The following KCNJ12 variants were observed in gnomAD, a reference collection of about 807,000 sequenced individuals.
KCNJ12 encodes the protein potassium inwardly rectifying channel subfamily J member 12, also known as ATP-sensitive inward rectifier potassium channel 12.
KCNJ12 carries 2 observed loss-of-function variants against 22.3 expected under a neutral mutation model. The observed-to-expected ratio is 0.09, with a 90% confidence interval of 0.04 to 0.28. The LOEUF (loss-of-function observed/expected upper bound fraction) is 0.28. Ranked by LOEUF, KCNJ12 falls within the 10% of genes least tolerant of loss-of-function variation. KCNJ12 has a pLI of 1.00. For synonymous variants in KCNJ12, 117 were observed against 261.4 expected (o/e 0.45, Z 5.33); for missense variants, 155 against 633.3 (o/e 0.24, Z 8.11).
intron 2 of KCNJ12, among the ~76,000 whole-genome samples, chr17:21,412,751 G>A (rs1714886): frequency 3.2e-3 from 477 of 149,834 alleles, no homozygotes; most frequent in African/African-American, 0.01. Context: ...GGTGTTGGGG[G>A]AGGACGGCAG....
intron 1 of KCNJ12, among the ~76,000 whole-genome samples, chr17:21,390,570 G>T (rs547827916): frequency 4.6e-5 from 7 of 152,356 alleles, no homozygotes; most frequent in African/African-American, 1.4e-4. Flanking sequence ...GGGATGGGGA[G>T]GGGGAGCAAT....
At chr17:21,384,314 A>G (rs557846570) in intron 1 of KCNJ12, among the ~76,000 whole-genome samples, 2 of 152,280 alleles carry the variant, frequency 1.3e-5, no homozygotes, top group African/African-American at 4.8e-5. Context: ...GCACAGAGCC[A>G]CCGAAGTCCG....
intron 1 of KCNJ12, among the ~76,000 whole-genome samples, chr17:21,395,007 G>A (rs1905305040): frequency 2.6e-5 from 4 of 152,186 alleles, no homozygotes; most frequent in Admixed American, 2.6e-4. Flanking sequence ...GCACAGAAGT[G>A]TTGATGATGC....
chr17:21,383,388 G>A (rs980027742), intron 1 of KCNJ12, among the ~76,000 whole-genome samples: 8 of 152,180 alleles, frequency 5.3e-5, no homozygotes, highest in African/African-American at 7.2e-5. Context: ...TCCATTCAGG[G>A]CTGGGGGGCG....
chr17:21,397,846 AG>A (rs1905423566), intron 1 of KCNJ12, among the ~76,000 whole-genome samples: 1 of 152,218 alleles, frequency 6.6e-6, no homozygotes, highest in African/African-American at 2.4e-5. Flanking sequence ...AGCGCACAGC[AG>A]GGATTAGCAA....
intron 1 of KCNJ12, among the ~76,000 whole-genome samples, chr17:21,377,668 G>A (rs537791733): frequency 6.6e-4 from 100 of 152,270 alleles, no homozygotes; most frequent in African/African-American, 2.2e-3. Flanking sequence ...GGGGTGGGGC[G>A]CTCCTTGGGG....
At chr17:21,398,608 G>A (rs1196538414) in intron 1 of KCNJ12, among the ~76,000 whole-genome samples, 2 of 152,132 alleles carry the variant, frequency 1.3e-5, no homozygotes, top group South Asian at 2.1e-4. Context: ...TTTGGCTGCC[G>A]TCCTGTCCCC....
intron 1 of KCNJ12, among the ~76,000 whole-genome samples, chr17:21,386,226 C>T (rs1555558615): frequency 6.6e-6 from 1 of 152,204 alleles, no homozygotes. Flanking sequence ...GGGCTTTCCC[C>T]CAACTTCTGG....
intron 1 of KCNJ12, among the ~76,000 whole-genome samples, chr17:21,395,652 A>G (rs922301017): frequency 6.6e-6 from 1 of 152,078 alleles, no homozygotes; most frequent in African/African-American, 2.4e-5. Flanking sequence ...ATAGTGATAT[A>G]ATATTTCTCT....
intron 1 of KCNJ12, among the ~76,000 whole-genome samples, chr17:21,394,846 T>C (rs1555559714): frequency 6.6e-6 from 1 of 152,122 alleles, no homozygotes. Flanking sequence ...AAATTGTTCA[T>C]CTTAGTTCCA....
chr17:21,400,633 C>T (rs1248308592), intron 1 of KCNJ12, among the ~76,000 whole-genome samples: 35 of 152,292 alleles, frequency 2.3e-4, no homozygotes, highest in African/African-American at 2.4e-4. Context: ...TGTCCTTTCC[C>T]GACAAGGCCC....
intron 1 of KCNJ12, among the ~76,000 whole-genome samples, chr17:21,394,948 A>G (rs1425568316): frequency 2.0e-5 from 3 of 152,202 alleles, no homozygotes; most frequent in Non-Finnish European, 2.9e-5. Context: ...GACACAGACC[A>G]TGACCACATG....
intron 1 of KCNJ12, among the ~76,000 whole-genome samples, chr17:21,387,407 A>C (rs1385271711): frequency 7.4e-6 from 1 of 135,434 alleles, no homozygotes; most frequent in African/African-American, 3.0e-5. Context: ...GCGCCATAGC[A>C]CTCCAGCCTG....
intron 1 of KCNJ12, among the ~76,000 whole-genome samples, chr17:21,378,889 C>T (rs1904769364): frequency 6.6e-6 from 1 of 152,146 alleles, no homozygotes; most frequent in South Asian, 2.1e-4. Flanking sequence ...CGGAGGGGAC[C>T]CCTCCAGGAA....
chr17:21,407,166 A>T (rs1905996685), intron 1 of KCNJ12, among the ~76,000 whole-genome samples: 1 of 152,272 alleles, frequency 6.6e-6, no homozygotes, highest in South Asian at 2.1e-4. Flanking sequence ...CCACCCTCAC[A>T]CCCATCCACC....
intron 1 of KCNJ12, among the ~76,000 whole-genome samples, chr17:21,391,422 C>G (rs541529186): frequency 6.6e-6 from 1 of 152,192 alleles, no homozygotes; most frequent in East Asian, 1.9e-4. Context: ...CTTGCTGTAC[C>G]CCCGGACCAC....
At chr17:21,386,067 C>T (rs528438549) in intron 1 of KCNJ12, among the ~76,000 whole-genome samples, 1 of 152,330 alleles carries the variant, frequency 6.6e-6, no homozygotes, top group Non-Finnish European at 1.5e-5. Flanking sequence ...GCCAGTGAGA[C>T]CCTGTGTTGG....
At chr17:21,389,057 A>G (rs1905144516) in intron 1 of KCNJ12, among the ~76,000 whole-genome samples, 1 of 152,078 alleles carries the variant, frequency 6.6e-6, no homozygotes, top group Admixed American at 6.5e-5. Context: ...TCATTTCCCT[A>G]CTGTGAGAAA....
chr17:21,393,245 G>A (rs1163480021), intron 1 of KCNJ12, among the ~76,000 whole-genome samples: 3 of 152,216 alleles, frequency 2.0e-5, no homozygotes, highest in Admixed American at 6.5e-5. Context: ...AGGCTCAGAG[G>A]TGGAGGGAAT....
Sources: allele counts gnomAD v4.1 joint callset (sites outside exome capture counted in the v4.1 genomes callset), GRCh38; gene constraint gnomAD v4.1.1; transcripts MANE v1.5; gene names NCBI Gene and HGNC (gene_info 2026-07-23, HGNC 2026-07-21).